The following GPC6 variants were observed in gnomAD, a reference collection of about 807,000 sequenced individuals.
The protein encoded by GPC6 is glypican-6.
GPC6 carries 14 observed loss-of-function variants against 55.2 expected under a neutral mutation model. That is an observed-to-expected ratio of 0.25 (90% CI 0.17 to 0.40). GPC6 has a LOEUF of 0.40. GPC6 is among the 10% of genes least tolerant of loss of function. The pLI, the probability that GPC6 is intolerant of heterozygous loss-of-function variation, is 1.00. For missense variants in GPC6, 641 were observed against 708.5 expected, an observed-to-expected ratio of 0.90 and a Z score of 1.08; for synonymous variants, 278 against 259.6, an observed-to-expected ratio of 1.07 and a Z score of -0.68.
At chr13:93,386,423 A>G (rs1594134725) in intron 1 of GPC6, among the ~76,000 whole-genome samples, 2 of 152,298 alleles carry the variant, frequency 1.3e-5, no homozygotes, top group African/African-American at 2.4e-5. Context: ...TGGAAGAAGC[A>G]TGGCCCACGG....
intron 1 of GPC6, among the ~76,000 whole-genome samples, chr13:93,352,270 G>A (rs961217864): frequency 1.3e-5 from 2 of 151,984 alleles, no homozygotes; most frequent in African/African-American, 4.8e-5. Context: ...TTTAAAGAAT[G>A]CATGCATTAG....
At chr13:93,540,112 C>A (rs1032878027) in intron 1 of GPC6, among the ~76,000 whole-genome samples, 38 of 151,914 alleles carry the variant, frequency 2.5e-4, no homozygotes, top group Non-Finnish European at 5.0e-4. Flanking sequence ...GGTTGGTATT[C>A]TGTGAGAATG....
At chr13:94,274,237 G>A (rs1892132157) in intron 4 of GPC6, among the ~76,000 whole-genome samples, 1 of 152,180 alleles carries the variant, frequency 6.6e-6, no homozygotes, top group South Asian at 2.1e-4. Flanking sequence ...CAGTGTTATA[G>A]CAAAATAAGC....
At chr13:94,363,636 C>G (rs1200539203) in intron 6 of GPC6, among the ~76,000 whole-genome samples, 1 of 152,180 alleles carries the variant, frequency 6.6e-6, no homozygotes, top group Non-Finnish European at 1.5e-5. Context: ...TAGCAACTGG[C>G]CCCCTCTCCT....
intron 1 of GPC6, among the ~76,000 whole-genome samples, chr13:93,263,614 C>G (rs1024869487): frequency 1.3e-5 from 2 of 152,166 alleles, no homozygotes; most frequent in African/African-American, 4.8e-5. Context: ...ATCCACTGGC[C>G]TTGGCCTCCC....
chr13:94,071,604 A>G (rs929668674), intron 4 of GPC6, among the ~76,000 whole-genome samples: 2 of 152,238 alleles, frequency 1.3e-5, no homozygotes, highest in African/African-American at 4.8e-5. Context: ...AAGAAGTTCC[A>G]TGGCCTGGAA....
intron 4 of GPC6, among the ~76,000 whole-genome samples, chr13:94,097,903 A>T (rs1227338017): frequency 1.3e-5 from 2 of 152,206 alleles, no homozygotes; most frequent in Non-Finnish European, 2.9e-5. Flanking sequence ...TGTAGTCATT[A>T]AAAATATTGA....
intron 2 of GPC6, among the ~76,000 whole-genome samples, chr13:93,747,900 C>G (rs902546164): frequency 1.3e-5 from 2 of 152,142 alleles, no homozygotes; most frequent in African/African-American, 2.4e-5. Context: ...TTCTTCTTTC[C>G]TAGACTGCGG....
intron 1 of GPC6, among the ~76,000 whole-genome samples, chr13:93,336,082 C>T (rs1427886954): frequency 1.3e-5 from 2 of 152,160 alleles, no homozygotes; most frequent in African/African-American, 4.8e-5. Flanking sequence ...CACTTCACAT[C>T]ATCATAAAAA....
At chr13:94,119,851 T>C (rs927494782) in intron 4 of GPC6, among the ~76,000 whole-genome samples, 2 of 151,986 alleles carry the variant, frequency 1.3e-5, no homozygotes, top group East Asian at 1.9e-4. Context: ...ATTGCTATAG[T>C]GGAAACAGTC....
rs1178622181 is a variant in GPC6, at chr13:93,977,515, TGTGG to T, written c.712-50213_712-50210del. 9.7e-3 allele frequency among the ~76,000 whole-genome samples: 956 copies of T among 98,370 alleles called. 6 individuals carry two copies. The highest frequency in any genetic ancestry group is 0.016 in the Admixed American group (141 of 8,672). 64.5% of individuals were successfully genotyped at this position (98,370 alleles called of 152,430 possible). A position where few individuals can be genotyped will look rare whatever the true frequency, so the allele number is the denominator to read the frequency against. Reference sequence around the variant, plus strand: ...GTGTGTGTGTGTGTGTGTGTGTGTGTGTGGTGTGTCTTTATTTGTGGTTATTTCA... The same window carrying T: ...GTGTGTGTGTGTGTGTGTGTGTGTGTTGTGTCTTTATTTGTGGTTATTTCA... On this transcript the variant is annotated intron_variant, in intron 3 of 8. Coordinates refer to ENST00000377047, the MANE Select transcript of GPC6 (RefSeq NM_005708.5).
rs144293220 is a variant in GPC6 at position 94,279,431 on chromosome 13, T to C, written c.878-6918T>C. Reference sequence around the variant, plus strand: ...TTGATTTGTTGGAAGGATTTTTGTGTCTTTATCTCCTTCAATTCTGCCCCG... The same window carrying C: ...TTGATTTGTTGGAAGGATTTTTGTGCCTTTATCTCCTTCAATTCTGCCCCG... On this transcript the variant is annotated intron_variant, in intron 4 of 8. Coordinates refer to ENST00000377047, the MANE Select transcript of GPC6 (RefSeq NM_005708.5). Among the ~76,000 whole-genome samples the C allele has an allele frequency of 2.0e-4, 30 of 152,166 alleles. No homozygotes were observed. In the East Asian group the frequency reaches 5.4e-3, roughly 27 times the overall value.
In GPC6 at chr13:93,794,517, C is replaced by A. The variant is rs187921902; in HGVS notation, c.320-35637C>A. On this transcript the variant is annotated intron_variant, in intron 2 of 8. Coordinates refer to ENST00000377047, the MANE Select transcript of GPC6 (RefSeq NM_005708.5). ...TACACAAGCATCAGCGCTATAAACA[C>A]CACATTTAAAAGAAAATCTGGAAAA... Among the ~76,000 whole-genome samples the A allele has an allele frequency of 2.0e-5, 3 of 152,284 alleles. No individual in the cohort carries two copies. The East Asian group carries it at 5.8e-4, about 29-fold the overall frequency.
chr13:94,296,621 T>G (rs1875348507), intron 5 of GPC6, among the ~76,000 whole-genome samples: 1 of 152,176 alleles, frequency 6.6e-6, no homozygotes. Flanking sequence ...TGCAATCTGG[T>G]TTGGTTCTGA....
chr13:93,754,703 A>T (rs531170995), intron 2 of GPC6, among the ~76,000 whole-genome samples: 57 of 90,584 alleles, frequency 6.3e-4, no homozygotes, highest in African/African-American at 1.5e-3. Context: ...TTTTTTATTT[A>T]AAAAAAAAAA....
At chr13:93,452,193 C>T (rs1480432661) in intron 1 of GPC6, among the ~76,000 whole-genome samples, 1 of 152,102 alleles carries the variant, frequency 6.6e-6, no homozygotes, top group Non-Finnish European at 1.5e-5. Context: ...TAACTTTATC[C>T]AGCCAACCAT....
At chr13:93,858,462 G>T (rs1246065090) in intron 3 of GPC6, among the ~76,000 whole-genome samples, 1 of 151,562 alleles carries the variant, frequency 6.6e-6, no homozygotes, top group Non-Finnish European at 1.5e-5. Context: ...ATGGAAGATG[G>T]AAGACTGGAT....
chr13:93,811,896 T>G (rs1274431845), intron 2 of GPC6, among the ~76,000 whole-genome samples: 1 of 152,126 alleles, frequency 6.6e-6, no homozygotes, highest in Non-Finnish European at 1.5e-5. Context: ...TGCCTCATAT[T>G]GCATCCCTAC....
intron 2 of GPC6, among the ~76,000 whole-genome samples, chr13:93,649,873 G>T (rs1447614871): frequency 4.6e-5 from 7 of 152,116 alleles, no homozygotes. Flanking sequence ...AAGGTCTTTT[G>T]TAAATTTATT....
Sources: allele counts gnomAD v4.1 joint callset (sites outside exome capture counted in the v4.1 genomes callset), GRCh38; gene constraint gnomAD v4.1.1; transcripts MANE v1.5; gene names NCBI Gene and HGNC (gene_info 2026-07-23, HGNC 2026-07-21).